The following ADAM12 variants were observed in gnomAD, a reference collection of about 807,000 sequenced individuals.
ADAM12 encodes the protein disintegrin and metalloproteinase domain-containing protein 12.
In ADAM12, 70 loss-of-function variants were observed where a neutral mutation model predicts 106.4. That is an observed-to-expected ratio of 0.66 (90% CI 0.54 to 0.80). The LOEUF is 0.80. ADAM12 is among the 30% of genes least tolerant of loss of function. The pLI is 0.00. For missense variants in ADAM12, 1,010 were observed against 1,171.9 expected, an observed-to-expected ratio of 0.86 and a Z score of 2.02; for synonymous variants, 420 against 433.5, an observed-to-expected ratio of 0.97 and a Z score of 0.39.
intron 11 of ADAM12, among the ~76,000 whole-genome samples, chr10:126,088,547 C>CAAAA (rs5788764): frequency 2.1e-5 from 3 of 145,010 alleles, no homozygotes; most frequent in Non-Finnish European, 4.5e-5. Flanking sequence ...TTAAATATAC[C>CAAAA]AAAAAAAAAA....
Position 126,079,361 on chromosome 10 carries a change from C to T in ADAM12, c.1146-7707G>A, listed in dbSNP as rs139641834. On this transcript the variant is annotated intron_variant, in intron 11 of 22. Coordinates refer to ENST00000448723, the MANE Select transcript of ADAM12 (RefSeq NM_001288973.2). ...TTCCCCACCCAGCCCCTGCCAACCA[C>T]GAATCTGCTTTCTGTCTCTACAGAT... Among the ~76,000 whole-genome samples, 454 of 152,184 alleles carry T rather than the reference C, an allele frequency of 3.0e-3. 2 individuals carry two copies. The highest frequency in any genetic ancestry group is 0.01 in the African/African-American group (429 of 41,520).
At position 126,055,197 on chromosome 10, in the gene ADAM12, C is replaced by T. The variant is rs144908664; in HGVS notation, c.1610-5528G>A. Among the ~76,000 whole-genome samples the T allele has an allele frequency of 2.0e-3, 304 of 152,298 alleles. 2 individuals carry two copies. In the East Asian group the frequency reaches 0.03, roughly 15 times the overall value. ...TCCTTTCAATGAGTGTGGTTCCCCA[C>T]GGCCCCCAAATCCCAGCTGGTTCTG... On this transcript the variant is annotated intron_variant, in intron 14 of 22. Coordinates refer to ENST00000448723, the MANE Select transcript of ADAM12 (RefSeq NM_001288973.2).
intron 1 of ADAM12, among the ~76,000 whole-genome samples, chr10:126,387,514 G>A (rs1221930256): frequency 6.6e-6 from 1 of 152,124 alleles, no homozygotes; most frequent in African/African-American, 2.4e-5. Flanking sequence ...AGGTAAGAGA[G>A]TCAGTTTATG....
intron 1 of ADAM12, among the ~76,000 whole-genome samples, chr10:126,384,752 T>C (rs551359309): frequency 2.6e-4 from 39 of 152,320 alleles, no homozygotes; most frequent in African/African-American, 9.1e-4. Context: ...GTACCGAATG[T>C]TTCACCTCTG....
At chr10:126,148,124 A>G (rs1231202895) in intron 4 of ADAM12, among the ~76,000 whole-genome samples, 1 of 139,014 alleles carries the variant, frequency 7.2e-6, no homozygotes, top group Non-Finnish European at 1.6e-5. Context: ...TCATCCTGTC[A>G]GGACAGTCGA....
At chr10:126,055,362 T>C (rs1006965151) in intron 14 of ADAM12, among the ~76,000 whole-genome samples, 1 of 152,182 alleles carries the variant, frequency 6.6e-6, no homozygotes, top group African/African-American at 2.4e-5. Flanking sequence ...ACAAAGATCA[T>C]TTTCCTGTCA....
intron 1 of ADAM12, among the ~76,000 whole-genome samples, chr10:126,370,728 A>G (rs1856081927): frequency 6.6e-6 from 1 of 152,168 alleles, no homozygotes; most frequent in Non-Finnish European, 1.5e-5. Context: ...TGGAGTATGG[A>G]AGAGTTCCTG....
In ADAM12 at chr10:126,351,084, C is replaced by T. The variant is rs1019215736; in HGVS notation, c.89-20575G>A. Among the ~76,000 whole-genome samples the T allele has an allele frequency of 7.9e-5, 12 of 152,312 alleles. No homozygotes were observed. In the South Asian group the frequency reaches 8.3e-4, roughly 11 times the overall value. Reference sequence around the variant, plus strand: ...AGCAGGCCATGGCCAGGATTTCAAGCGAAGCTAGGCTGTGGCAGAGGTGTC... The same window carrying T: ...AGCAGGCCATGGCCAGGATTTCAAGTGAAGCTAGGCTGTGGCAGAGGTGTC... On this transcript the variant is annotated intron_variant, in intron 1 of 22. Transcript: ENST00000448723.
intron 1 of ADAM12, among the ~76,000 whole-genome samples, chr10:126,349,977 G>A (rs1008702197): frequency 2.0e-5 from 3 of 152,136 alleles, no homozygotes; most frequent in African/African-American, 7.2e-5. Flanking sequence ...TGTCTTTAGA[G>A]CCAAGAAGCC....
intron 3 of ADAM12, among the ~76,000 whole-genome samples, chr10:126,197,317 C>T (rs1034810773): frequency 7.9e-5 from 12 of 152,310 alleles, no homozygotes; most frequent in Middle Eastern, 3.4e-3. Context: ...GATCTGTCCT[C>T]GAATCCCTGA....
chr10:126,093,940 C>T (rs1329358802), intron 11 of ADAM12, 45 bp downstream of exon 11: 2 of 1,607,528 alleles, frequency 1.2e-6, no homozygotes, highest in Non-Finnish European at 1.7e-6. Context: ...ACACACACTT[C>T]AAGCCATGCA....
chr10:126,206,052 C>G (rs754062084), intron 3 of ADAM12, among the ~76,000 whole-genome samples: 1 of 152,040 alleles, frequency 6.6e-6, no homozygotes, highest in Non-Finnish European at 1.5e-5. Flanking sequence ...GGAAAAATGT[C>G]CAATTTTTTT....
At chr10:126,086,680 A>AAAAT (rs1554966976) in intron 11 of ADAM12, among the ~76,000 whole-genome samples, 11 of 24,272 alleles carry the variant, frequency 4.5e-4, no homozygotes, top group Non-Finnish European at 6.4e-4. Flanking sequence ...AAAAAAAAAA[A>AAAAT]ATATATATAT....
chr10:126,356,964 G>A (rs114476016), intron 1 of ADAM12, among the ~76,000 whole-genome samples: 1,568 of 152,200 alleles, frequency 0.01, 39 homozygotes, highest in African/African-American at 0.036. Context: ...TGGGAATTAT[G>A]GAATACCATC....
chr10:126,055,491 A>G (rs1386043322), intron 14 of ADAM12, among the ~76,000 whole-genome samples: 1 of 152,196 alleles, frequency 6.6e-6, no homozygotes, highest in East Asian at 1.9e-4. Flanking sequence ...ATCATCTTTG[A>G]TCCTTATAGC....
chr10:126,265,102 T>C (rs1284300244), intron 3 of ADAM12, among the ~76,000 whole-genome samples: 3 of 152,188 alleles, frequency 2.0e-5, no homozygotes, highest in African/African-American at 7.2e-5. Context: ...GTGGTGCACC[T>C]CGTTATCCCC....
At chr10:126,202,412 T>C (rs1351398105) in intron 3 of ADAM12, among the ~76,000 whole-genome samples, 1 of 152,192 alleles carries the variant, frequency 6.6e-6, no homozygotes, top group East Asian at 1.9e-4. Context: ...CCAATGACAT[T>C]ACGAAGTCTG....
intron 3 of ADAM12, among the ~76,000 whole-genome samples, chr10:126,182,607 A>C (rs2133786539): frequency 6.6e-6 from 1 of 152,300 alleles, no homozygotes; most frequent in Admixed American, 6.5e-5. Flanking sequence ...TGAGAGAGAG[A>C]GAGAGCCTGT....
chr10:126,367,717 G>C (rs1855960795), intron 1 of ADAM12, among the ~76,000 whole-genome samples: 3 of 151,948 alleles, frequency 2.0e-5, no homozygotes, highest in African/African-American at 7.2e-5. Context: ...CGTCATTACA[G>C]ATAATACAGG....
Sources: gnomAD v4.1 joint callset for allele counts (sites outside exome capture counted in the v4.1 genomes callset) on GRCh38, gnomAD v4.1.1 for gene constraint, MANE v1.5 for transcripts, NCBI Gene and HGNC (gene_info 2026-07-23, HGNC 2026-07-21) for gene names.